CUBN: variants seen among roughly 807,000 people sequenced by gnomAD.
CUBN encodes 460 kDa receptor.
A neutral mutation model predicts 405.3 loss-of-function variants in CUBN; 282 were observed. The observed-to-expected ratio is 0.70, with a 90% CI of 0.63 to 0.77. The LOEUF is 0.77. CUBN is among the 30% of genes least tolerant of loss of function. The pLI is 0.00. For missense variants in CUBN, 4,514 were observed against 4,475.2 expected (o/e 1.01, Z -0.25); for synonymous variants, 1,684 against 1,617.0 (o/e 1.04, Z -0.99).
At chr10:17,024,082 G>A (rs917073350) in intron 27 of CUBN, among the ~76,000 whole-genome samples, 29 of 150,258 alleles carry the variant, frequency 1.9e-4, no homozygotes, top group Non-Finnish European at 2.2e-4. Flanking sequence ...TCCTTTGTGC[G>A]GGTTTGATAA....
At chr10:16,833,629 G>C (rs1392616149) in intron 64 of CUBN, among the ~76,000 whole-genome samples, 3 of 152,206 alleles carry the variant, frequency 2.0e-5, no homozygotes, top group Non-Finnish European at 4.4e-5. Flanking sequence ...GGGGGTTGCA[G>C]GGCAGAAAAG....
At chr10:17,015,897 T>G (rs1194896862) in intron 28 of CUBN, among the ~76,000 whole-genome samples, 1 of 152,066 alleles carries the variant, frequency 6.6e-6, no homozygotes, top group African/African-American at 2.4e-5. Flanking sequence ...CCACCAAGGT[T>G]TGTTTGTCTG....
rs532838893 is a variant in CUBN at position 17,079,396 on chromosome 10, T to G, written c.2301+4875A>C. On this transcript the variant is annotated intron_variant, in intron 17 of 66. Transcript: ENST00000377833. Reference sequence around the variant, plus strand: ...GATTACAGGTGCCCACCATCACACTTGGCTACTTTTTTGTATTTTTAGTAG... The same window carrying G: ...GATTACAGGTGCCCACCATCACACTGGGCTACTTTTTTGTATTTTTAGTAG... Among the ~76,000 whole-genome samples, 4 of 151,850 alleles carry G rather than the reference T, an allele frequency of 2.6e-5. No homozygotes were observed. The East Asian group carries it at 7.8e-4, about 30-fold the overall frequency.
At chr10:17,008,683 T>C (rs1476343356) in intron 28 of CUBN, among the ~76,000 whole-genome samples, 1 of 152,106 alleles carries the variant, frequency 6.6e-6, no homozygotes, top group Non-Finnish European at 1.5e-5. Flanking sequence ...CTCATTTGCG[T>C]GGAGATCATC....
chr10:16,964,102 G>C (rs1406041020), intron 31 of CUBN, among the ~76,000 whole-genome samples: 1 of 152,078 alleles, frequency 6.6e-6, no homozygotes, highest in Non-Finnish European at 1.5e-5. Flanking sequence ...ACAGGGAGAA[G>C]TTTTTGTATG....
intron 54 of CUBN, among the ~76,000 whole-genome samples, chr10:16,895,364 T>C (rs1841153365): frequency 7.1e-6 from 1 of 141,404 alleles, no homozygotes; most frequent in Non-Finnish European, 1.5e-5. Context: ...CACACATATA[T>C]ATACACACAC....
chr10:17,121,870 G>A (rs900621529), intron 6 of CUBN: 1 of 152,106 alleles, frequency 6.6e-6, no homozygotes, highest in Non-Finnish European at 1.5e-5. Flanking sequence ...CTACTCCAGA[G>A]CATTGAAAGG....
At chr10:17,049,970 C>T (rs1017807495) in intron 22 of CUBN, among the ~76,000 whole-genome samples, 4 of 152,062 alleles carry the variant, frequency 2.6e-5, no homozygotes, top group Admixed American at 6.6e-5. Flanking sequence ...AGTACCTGGC[C>T]CAGATGAGGT....
At chr10:17,089,964 A>C (rs1836216147) in intron 14 of CUBN, among the ~76,000 whole-genome samples, 1 of 152,090 alleles carries the variant, frequency 6.6e-6, no homozygotes, top group African/African-American at 2.4e-5. Flanking sequence ...AAAAAAATAA[A>C]AATTAGCTGG....
rs763407147 is a variant in CUBN, at chr10:17,088,316, C to T, written c.1795G>A (p.Gly599Ser). 1.5e-5 allele frequency: 24 copies of T among 1,612,930 alleles called. No homozygotes were observed. Among genetic ancestry groups the T allele is most frequent in the South Asian group, 6.6e-5 (6 of 91,034 alleles). The change falls in exon 15 of 67, where the codon GGT becomes AGT. Residue 599 changes from glycine (G) to serine (S), a missense_variant. By Grantham distance (56) the Gly-to-Ser change is moderately conservative. Coordinates refer to ENST00000377833, the MANE Select transcript of CUBN (RefSeq NM_001081.4). ...GGATACCCCGGAGACTTAATAGAAC[C>T]GTAAGGACCAGTCAGGATACCTCCA... ...ECGGILTGPY[G>S]SIKSPGYPGN... is the part of the protein sequence containing the mutation.
At chr10:16,889,161 C>T (rs1196111112) in intron 55 of CUBN, among the ~76,000 whole-genome samples, 1 of 152,010 alleles carries the variant, frequency 6.6e-6, no homozygotes, top group African/African-American at 2.4e-5. Flanking sequence ...AGTTAATCCA[C>T]TTCACTCTCT....
intron 66 of CUBN, among the ~76,000 whole-genome samples, chr10:16,827,813 C>G (rs987231058): frequency 1.1e-4 from 16 of 152,212 alleles, no homozygotes; most frequent in Non-Finnish European, 2.4e-4. Context: ...GTTGGCCAGT[C>G]TAGTCTCAAA....
At chr10:16,873,811 C>A (rs1210944039) in intron 58 of CUBN, among the ~76,000 whole-genome samples, 2 of 151,830 alleles carry the variant, frequency 1.3e-5, no homozygotes, top group Non-Finnish European at 2.9e-5. Flanking sequence ...TTGGAGGAAG[C>A]CTGGCATGAA....
rs778751361 is a variant in CUBN at position 17,126,762 on chromosome 10, T to C, written c.386A>G (p.Gln129Arg). Residue 129 changes from glutamine to arginine, a missense_variant and splice_region_variant, in exon 4 of 67, where the codon CAG (glutamine) becomes CGG (arginine). Transcript: ENST00000377833. ...GGTATGTAGTAGCATGAGACCTACC[T>C]GCTGCAAGCCTTGGAATTTTCTCTC... ...DLERKFQGLQQTVDKKVCSSN... is the reference protein window; with the variant it reads ...DLERKFQGLQRTVDKKVCSSN... 1.2e-6 allele frequency: 2 copies of C among 1,614,194 alleles called. No individual in the cohort carries two copies. Among genetic ancestry groups the C allele is most frequent in the South Asian group, 1.1e-5 (1 of 91,088 alleles).
Position 17,114,043 on chromosome 10 carries a change from A to C in CUBN, c.867T>G (p.Cys289Trp). Residue 289 changes from cysteine to tryptophan, a missense_variant, in exon 8 of 67, where the codon TGT becomes TGG. Physicochemically the swap from Cys to Trp is radical, Grantham distance 215 (BLOSUM62 -2). Transcript: ENST00000377833. ...QCFNTQGSFY[C>W]GACPTGWQGN... ...AGAATGTACCTGTTGGACAGGCCCC[A>C]CAGTAGAAAGAGCCTTGAGTGTTGA... 3.1e-6 allele frequency: 5 copies of C among 1,612,978 alleles called. No homozygotes were observed. Among genetic ancestry groups the C allele is most frequent in the Non-Finnish European group, 4.2e-6 (5 of 1,179,582 alleles).
chr10:16,862,356 T>C (rs1840045536), intron 59 of CUBN, among the ~76,000 whole-genome samples: 1 of 152,142 alleles, frequency 6.6e-6, no homozygotes, highest in Non-Finnish European at 1.5e-5. Context: ...AAATTTTTCT[T>C]TCTTCCTTTG....
chr10:17,102,365 G>A (rs1836514001), intron 13 of CUBN, among the ~76,000 whole-genome samples: 1 of 150,988 alleles, frequency 6.6e-6, no homozygotes, highest in Non-Finnish European at 1.5e-5. Flanking sequence ...CAGCTCACTG[G>A]AACCTCTGCC....
intron 15 of CUBN, among the ~76,000 whole-genome samples, chr10:17,086,504 C>A (rs1836112706): frequency 1.3e-5 from 2 of 152,110 alleles, no homozygotes; most frequent in Non-Finnish European, 2.9e-5. Flanking sequence ...TTAGACACAA[C>A]AGAAAGACAG....
chr10:16,846,738 G>A (rs1377211628), intron 60 of CUBN, among the ~76,000 whole-genome samples: 2 of 151,430 alleles, frequency 1.3e-5, no homozygotes, highest in African/African-American at 2.4e-5. Flanking sequence ...CTTGAATTCG[G>A]GAGGCAGAGG....
Sources: allele counts gnomAD v4.1 joint callset (sites outside exome capture counted in the v4.1 genomes callset), GRCh38; gene constraint gnomAD v4.1.1; transcripts MANE v1.5; gene names NCBI Gene and HGNC (gene_info 2026-07-23, HGNC 2026-07-21).